Variants in CRIM1 observed in about 807,000 individuals in gnomAD.
CRIM1 encodes the protein cysteine rich transmembrane BMP regulator 1.
In CRIM1, 32 loss-of-function variants were observed where a neutral mutation model predicts 116.4. The observed-to-expected ratio is 0.27, with a 90% CI of 0.21 to 0.37. The LOEUF is 0.37. CRIM1 is among the 10% of genes least tolerant of loss of function. CRIM1 has a pLI of 1.00. For synonymous variants in CRIM1, 590 were observed against 509.2 expected (o/e 1.16, Z -2.13); for missense variants, 1,331 against 1,354.8 (o/e 0.98, Z 0.28).
Position 36,499,272 on chromosome 2 carries a change from A to T in CRIM1, c.1426A>T (p.Thr476Ser), listed in dbSNP as rs1375015586. 1 of 1,613,834 alleles carries T rather than the reference A, an allele frequency of 6.2e-7. No individual in the cohort carries two copies. Among genetic ancestry groups the T allele is most frequent in the South Asian group, 1.1e-5 (1 of 91,072 alleles). Residue 476 changes from threonine to serine, a missense_variant, in exon 8 of 17, where the codon ACT (threonine) becomes TCT (serine). Coordinates refer to ENST00000280527, the MANE Select transcript of CRIM1 (RefSeq NM_016441.3). Reference sequence around the variant, plus strand: ...TGCATGTGGGGAGTTATCAAACTGCACTCTGACAGGGAAGGACTGCATTAA... The same window carrying T: ...TGCATGTGGGGAGTTATCAAACTGCTCTCTGACAGGGAAGGACTGCATTAA... The part of the protein sequence containing the change: ...PPACGELSNC[T>S]LTGKDCINGF...
At chr2:36,443,137 C>T (rs778202872) in intron 4 of CRIM1, among the ~76,000 whole-genome samples, 13 of 152,092 alleles carry the variant, frequency 8.5e-5, no homozygotes, top group South Asian at 2.1e-4. Flanking sequence ...ACATTGGGAC[C>T]CTTGATGTTT....
intron 7 of CRIM1, among the ~76,000 whole-genome samples, chr2:36,496,612 C>T (rs1040184515): frequency 6.6e-5 from 10 of 152,154 alleles, no homozygotes; most frequent in African/African-American, 2.4e-5. Flanking sequence ...ACATACTGAA[C>T]GGCCCTTTAT....
chr2:36,456,791 C>T (rs780006374), intron 4 of CRIM1, among the ~76,000 whole-genome samples: 2 of 152,122 alleles, frequency 1.3e-5, no homozygotes, highest in Non-Finnish European at 2.9e-5. Flanking sequence ...CCCCCCACCA[C>T]CCACCGCTGG....
chr2:36,523,916 G>A (rs1665581903), intron 13 of CRIM1, among the ~76,000 whole-genome samples: 1 of 152,148 alleles, frequency 6.6e-6, no homozygotes, highest in South Asian at 2.1e-4. Flanking sequence ...TATATGAGAT[G>A]GAAATGCCTG....
Position 36,499,331 on chromosome 2 carries a change from C to A in CRIM1, c.1485C>A (p.Thr495=). Residue 495 remains threonine (T), a synonymous_variant, in exon 8 of 17, where the codon ACC becomes ACA. Transcript: ENST00000280527. ...AACGCGATCACAATGGTTGTCGGAC[C>A]TGTCAGTGCATAAACAGTGAGTAGA... ...GFKRDHNGCR[T]CQCINTEELC... 2 of 1,614,050 alleles carry A rather than the reference C, an allele frequency of 1.2e-6. No homozygotes were observed. Among genetic ancestry groups the A allele is most frequent in the Non-Finnish European group, 1.7e-6 (2 of 1,179,964 alleles).
chr2:36,513,808 T>C, intron 11 of CRIM1, 43 bp downstream of exon 11: 2 of 1,571,426 alleles, frequency 1.3e-6, no homozygotes, highest in Non-Finnish European at 1.7e-6. Flanking sequence ...AGCAAATGAC[T>C]TCTGCCTTGC....
At chr2:36,403,750 TGTG>T (rs1254867858) in intron 2 of CRIM1, among the ~76,000 whole-genome samples, 1 of 152,040 alleles carries the variant, frequency 6.6e-6, no homozygotes, top group East Asian at 1.9e-4. Flanking sequence ...TAGGATATAT[TGTG>T]GTGTCATTTA....
intron 1 of CRIM1, chr2:36,379,128 C>T (rs1237946525): frequency 3.3e-5 from 5 of 152,060 alleles, no homozygotes; most frequent in Non-Finnish European, 7.4e-5. Flanking sequence ...AATAACTTGT[C>T]TTTCCTTTTT....
chr2:36,505,365 GTTC>G (rs1681319096), intron 8 of CRIM1, among the ~76,000 whole-genome samples: 1 of 150,434 alleles, frequency 6.6e-6, no homozygotes, highest in Non-Finnish European at 1.5e-5. Flanking sequence ...CAAGAGTTAA[GTTC>G]CTACCATATA....
intron 2 of CRIM1, among the ~76,000 whole-genome samples, chr2:36,400,529 T>A (rs1672334439): frequency 6.6e-6 from 1 of 152,126 alleles, no homozygotes; most frequent in South Asian, 2.1e-4. Context: ...TGGAGAAAGT[T>A]TTATTTTTTA....
chr2:36,487,370 T>C (rs1290616198), intron 7 of CRIM1, among the ~76,000 whole-genome samples: 1 of 152,154 alleles, frequency 6.6e-6, no homozygotes, highest in Non-Finnish European at 1.5e-5. Flanking sequence ...TTTCACAAGT[T>C]ATATGGGAAA....
chr2:36,545,579 A>AAGAC, intron 15 of CRIM1, among the ~76,000 whole-genome samples: 1 of 152,152 alleles, frequency 6.6e-6, no homozygotes, highest in Non-Finnish European at 1.5e-5. Context: ...TTTAACCTAA[A>AAGAC]AGACATTGTG....
chr2:36,373,999 A>G (rs1670125735), intron 1 of CRIM1, among the ~76,000 whole-genome samples: 1 of 152,226 alleles, frequency 6.6e-6, no homozygotes, highest in Non-Finnish European at 1.5e-5. Flanking sequence ...TAAGTGGCTT[A>G]CATAAAGCCG....
intron 4 of CRIM1, among the ~76,000 whole-genome samples, chr2:36,444,160 A>T (rs1425102193): frequency 6.6e-6 from 1 of 152,244 alleles, no homozygotes; most frequent in East Asian, 1.9e-4. Context: ...GTAGTCCTTT[A>T]GTGAGGAAAA....
At chr2:36,393,106 G>T (rs1052543550) in intron 1 of CRIM1, among the ~76,000 whole-genome samples, 2 of 152,208 alleles carry the variant, frequency 1.3e-5, no homozygotes, top group African/African-American at 4.8e-5. Flanking sequence ...GCATCTGGCA[G>T]TGAAAACCAA....
At chr2:36,467,719 C>T (rs1678160134) in intron 5 of CRIM1, among the ~76,000 whole-genome samples, 1 of 152,212 alleles carries the variant, frequency 6.6e-6, no homozygotes, top group Non-Finnish European at 1.5e-5. Flanking sequence ...GGTATACAGT[C>T]CATCAGTGCC....
chr2:36,514,120 T>A (rs1482766799), intron 11 of CRIM1, among the ~76,000 whole-genome samples: 1 of 152,202 alleles, frequency 6.6e-6, no homozygotes, highest in African/African-American at 2.4e-5. Flanking sequence ...CTCATTAATA[T>A]GAGGGGATTG....
At chr2:36,498,200 C>T (rs1680738705) in intron 7 of CRIM1, among the ~76,000 whole-genome samples, 1 of 152,196 alleles carries the variant, frequency 6.6e-6, no homozygotes, top group Non-Finnish European at 1.5e-5. Context: ...TTCCCACAAC[C>T]TGGCATTATA....
intron 2 of CRIM1, among the ~76,000 whole-genome samples, chr2:36,398,994 A>G (rs909149502): frequency 5.9e-5 from 9 of 152,308 alleles, no homozygotes; most frequent in African/African-American, 2.2e-4. Flanking sequence ...GATTTAGAAT[A>G]GTGATGATGA....
Sources: gnomAD v4.1 joint callset for allele counts (sites outside exome capture counted in the v4.1 genomes callset) on GRCh38, gnomAD v4.1.1 for gene constraint, MANE v1.5 for transcripts, NCBI Gene and HGNC (gene_info 2026-07-23, HGNC 2026-07-21) for gene names.